AGBL4: variants seen among roughly 807,000 people sequenced by gnomAD.
AGBL4 encodes the protein cytosolic carboxypeptidase 6.
Under a neutral mutation model 66.4 loss-of-function variants are expected in AGBL4, and 58 were observed. The ratio of observed to expected loss-of-function variants is 0.87; its 90% confidence interval spans 0.71 to 1.09. AGBL4 has a LOEUF of 1.09. Ranked by LOEUF, AGBL4 falls within the 50% of genes least tolerant of loss-of-function variation. The probability of loss-of-function intolerance (pLI) is 0.00; values close to 1 mark genes in which losing one functional copy is unlikely to be tolerated. For synonymous variants in AGBL4, 234 were observed against 222.9 expected, an observed-to-expected ratio of 1.05 and a Z score of -0.44; for missense variants, 579 against 631.0, an observed-to-expected ratio of 0.92 and a Z score of 0.88.
intron 5 of AGBL4, among the ~76,000 whole-genome samples, chr1:48,977,470 T>C (rs1414410882): frequency 6.6e-6 from 1 of 152,142 alleles, no homozygotes; most frequent in Non-Finnish European, 1.5e-5. Flanking sequence ...ATGCTGTTTC[T>C]CACACAGTGA....
At chr1:49,204,600 A>G (rs964507951) in intron 4 of AGBL4, among the ~76,000 whole-genome samples, 3 of 152,112 alleles carry the variant, frequency 2.0e-5, no homozygotes, top group African/African-American at 4.8e-5. Flanking sequence ...GGAAATGATA[A>G]TCGTTATTAT....
At chr1:48,732,599 G>A (rs894664490) in intron 6 of AGBL4, among the ~76,000 whole-genome samples, 2 of 152,124 alleles carry the variant, frequency 1.3e-5, no homozygotes, top group African/African-American at 4.8e-5. Flanking sequence ...CAGGGAGGGA[G>A]GGCACGCAGA....
At chr1:48,947,813 T>C (rs1417326829) in intron 5 of AGBL4, among the ~76,000 whole-genome samples, 1 of 151,472 alleles carries the variant, frequency 6.6e-6, no homozygotes, top group Non-Finnish European at 1.5e-5. Flanking sequence ...AAAGTATGAA[T>C]GATGGATTGT....
At chr1:48,535,057 G>C (rs940874548) in intron 12 of AGBL4, 141 bp from the exon 13 acceptor site, 3 of 825,986 alleles carry the variant, frequency 3.6e-6, no homozygotes, top group African/African-American at 3.5e-5. Context: ...TGTTTTTATG[G>C]GGAAAAAGAA....
intron 1 of AGBL4, among the ~76,000 whole-genome samples, chr1:50,008,429 A>T (rs897789377): frequency 1.3e-5 from 2 of 152,196 alleles, no homozygotes; most frequent in East Asian, 3.8e-4. Flanking sequence ...GAGTCAATAA[A>T]GAAATTAAGA....
At chr1:49,070,556 C>G (rs553305157) in intron 4 of AGBL4, among the ~76,000 whole-genome samples, 2 of 152,060 alleles carry the variant, frequency 1.3e-5, no homozygotes, top group East Asian at 3.9e-4. Context: ...ATATGTTGAA[C>G]CAGCCTTGCA....
chr1:48,585,397 G>T (rs1644803110), intron 11 of AGBL4: 1 of 152,240 alleles, frequency 6.6e-6, no homozygotes. Flanking sequence ...GGAGAGCAAA[G>T]CAAGTACAAT....
At chr1:48,752,906 T>C (rs1348220310) in intron 6 of AGBL4, among the ~76,000 whole-genome samples, 1 of 152,116 alleles carries the variant, frequency 6.6e-6, no homozygotes, top group African/African-American at 2.4e-5. Flanking sequence ...CGCGCCCCCA[T>C]GCCCAGCTAA....
At chr1:49,662,097 A>G (rs1402669180) in intron 3 of AGBL4, among the ~76,000 whole-genome samples, 6 of 151,592 alleles carry the variant, frequency 4.0e-5, no homozygotes, top group Non-Finnish European at 7.4e-5. Context: ...TTAAATAAAA[A>G]TCTATAACAT....
At chr1:49,340,999 TCTTC>T (rs1645529427) in intron 3 of AGBL4, among the ~76,000 whole-genome samples, 1 of 152,194 alleles carries the variant, frequency 6.6e-6, no homozygotes, top group Non-Finnish European at 1.5e-5. Context: ...GTAGAGCACA[TCTTC>T]CCTATGATTT....
At chr1:49,957,417 T>C in intron 1 of AGBL4, among the ~76,000 whole-genome samples, 1 of 151,958 alleles carries the variant, frequency 6.6e-6, no homozygotes. Flanking sequence ...GTATCCTTGT[T>C]AACTTTCTGT....
At chr1:49,259,113 C>T (rs372262864) in intron 3 of AGBL4, among the ~76,000 whole-genome samples, 5 of 152,042 alleles carry the variant, frequency 3.3e-5, no homozygotes, top group Non-Finnish European at 5.9e-5. Context: ...TGCTGAGAGA[C>T]TTTGTCACCA....
At chr1:48,594,211 C>T (rs1178690844) in intron 9 of AGBL4, among the ~76,000 whole-genome samples, 2 of 152,098 alleles carry the variant, frequency 1.3e-5, no homozygotes, top group African/African-American at 4.8e-5. Context: ...GTAATCCTAG[C>T]TACTCGGGAG....
intron 4 of AGBL4, among the ~76,000 whole-genome samples, chr1:49,176,131 G>A (rs765581484): frequency 3.9e-5 from 6 of 152,070 alleles, no homozygotes; most frequent in South Asian, 2.1e-4. Flanking sequence ...GATGATGACC[G>A]GTGGTGGTGA....
At chr1:49,335,549 T>G (rs1645417159) in intron 3 of AGBL4, among the ~76,000 whole-genome samples, 1 of 151,996 alleles carries the variant, frequency 6.6e-6, no homozygotes, top group East Asian at 1.9e-4. Flanking sequence ...GGAGTCTCGC[T>G]CTGTTGCCCA....
chr1:48,544,731 C>T (rs1644131388), intron 11 of AGBL4, among the ~76,000 whole-genome samples: 1 of 152,052 alleles, frequency 6.6e-6, no homozygotes, highest in Non-Finnish European at 1.5e-5. Context: ...ACCCTGAGAC[C>T]CTGAGACTAC....
At chr1:49,403,181 G>A (rs1436090415) in intron 3 of AGBL4, among the ~76,000 whole-genome samples, 1 of 152,068 alleles carries the variant, frequency 6.6e-6, no homozygotes, top group Admixed American at 6.6e-5. Flanking sequence ...GTGTATATAT[G>A]TTTATAATTG....
chr1:49,936,577 C>T (rs1043730346), intron 1 of AGBL4, among the ~76,000 whole-genome samples: 2 of 152,174 alleles, frequency 1.3e-5, no homozygotes, highest in Non-Finnish European at 1.5e-5. Flanking sequence ...ATGTTAAGGG[C>T]AGCCAGAGAG....
At chr1:49,365,741 A>G (rs1644229845) in intron 3 of AGBL4, among the ~76,000 whole-genome samples, 1 of 151,730 alleles carries the variant, frequency 6.6e-6, no homozygotes, top group Non-Finnish European at 1.5e-5. Flanking sequence ...CAACTTTTTC[A>G]CCTCTGCTTG....
Sources: gnomAD v4.1 joint callset for allele counts (sites outside exome capture counted in the v4.1 genomes callset) on GRCh38, gnomAD v4.1.1 for gene constraint, MANE v1.5 for transcripts, NCBI Gene and HGNC (gene_info 2026-07-23, HGNC 2026-07-21) for gene names.